Variants in CNTNAP5 observed in about 807,000 individuals in gnomAD.
The protein encoded by CNTNAP5 is contactin-associated protein-like 5.
A neutral mutation model predicts 150.2 loss-of-function variants in CNTNAP5; 72 were observed. The observed-to-expected ratio is 0.48, with a 90% CI of 0.40 to 0.58. The LOEUF (loss-of-function observed/expected upper bound fraction) is 0.58, where lower values mean the gene tolerates loss of function less well. Among genes scored for constraint, CNTNAP5 ranks in the 20% least tolerant of loss-of-function variants. CNTNAP5 has a pLI of 0.00. For missense variants in CNTNAP5, 1,636 were observed against 1,626.2 expected, an observed-to-expected ratio of 1.01 and a Z score of -0.10; for synonymous variants, 672 against 619.8, an observed-to-expected ratio of 1.08 and a Z score of -1.25.
chr2:124,345,008 T>TAAG (rs1327447292), intron 3 of CNTNAP5, among the ~76,000 whole-genome samples: 2 of 152,144 alleles, frequency 1.3e-5, no homozygotes, highest in African/African-American at 2.4e-5. Context: ...TGACTGCTTG[T>TAAG]AAGACCTTTT....
At chr2:124,768,305 G>A (rs79280711) in intron 16 of CNTNAP5, among the ~76,000 whole-genome samples, 1 of 142,988 alleles carries the variant, frequency 7.0e-6, no homozygotes, top group African/African-American at 2.6e-5. Context: ...GTGTGTGTGT[G>A]TGTGTATATG....
intron 2 of CNTNAP5, among the ~76,000 whole-genome samples, chr2:124,240,827 T>A (rs1480519070): frequency 1.3e-5 from 2 of 152,166 alleles, no homozygotes. Context: ...TCACTCTGTC[T>A]GCATTGCAGT....
Position 124,504,567 on chromosome 2 carries a change from C to CT in CNTNAP5, c.1327+12dup. 1 of 1,611,928 alleles carries CT rather than the reference C, an allele frequency of 6.2e-7. No individual in the cohort carries two copies. The highest frequency in any genetic ancestry group is 8.5e-7 in the Non-Finnish European group (1 of 1,178,846). ...CTGAAATCCTCACAGGTACTGTCTG[C>CT]TGACACTCTGGATCAGCTTCTTGTT... On this transcript the variant is annotated intron_variant, in intron 8 of 23. Coordinates refer to ENST00000682447, the MANE Select transcript of CNTNAP5 (RefSeq NM_001367498.1).
chr2:124,276,699 C>T (rs1267938962), intron 3 of CNTNAP5, among the ~76,000 whole-genome samples: 3 of 152,130 alleles, frequency 2.0e-5, no homozygotes, highest in African/African-American at 4.8e-5. Flanking sequence ...TTAACACTAT[C>T]ATTCTCTGGG....
At chr2:124,049,497 C>T (rs1412256734) in intron 1 of CNTNAP5, among the ~76,000 whole-genome samples, 2 of 152,036 alleles carry the variant, frequency 1.3e-5, no homozygotes, top group Admixed American at 6.5e-5. Context: ...TTTTTTAAAC[C>T]ATAATAAAAT....
chr2:124,843,277 A>T (rs1045433191), intron 19 of CNTNAP5, among the ~76,000 whole-genome samples: 1 of 151,706 alleles, frequency 6.6e-6, no homozygotes, highest in Non-Finnish European at 1.5e-5. Context: ...TTCCTTATCC[A>T]CTCGTTGATC....
intron 1 of CNTNAP5, among the ~76,000 whole-genome samples, chr2:124,142,912 A>G (rs1430436581): frequency 6.8e-6 from 1 of 148,056 alleles, no homozygotes; most frequent in Non-Finnish European, 1.5e-5. Context: ...ATAAAGCAAA[A>G]AAGAGAGAAG....
chr2:124,865,477 G>C (rs1178443375), intron 20 of CNTNAP5, 41 bp downstream of exon 20: 1 of 1,545,176 alleles, frequency 6.5e-7, no homozygotes, highest in African/African-American at 1.4e-5. Context: ...AATGTGCCTT[G>C]GCTACTCTAT....
At chr2:124,261,389 A>G (rs1558824190) in intron 3 of CNTNAP5, among the ~76,000 whole-genome samples, 2 of 152,168 alleles carry the variant, frequency 1.3e-5, no homozygotes, top group Non-Finnish European at 2.9e-5. Flanking sequence ...AACACGTCGC[A>G]CTTTATTTTA....
chr2:124,157,348 C>G (rs1386687010), intron 1 of CNTNAP5, among the ~76,000 whole-genome samples: 1 of 152,070 alleles, frequency 6.6e-6, no homozygotes. Context: ...TTCAGTAACA[C>G]CTGTTCTTTT....
rs137957854 is a variant in CNTNAP5 at position 124,520,033 on chromosome 2, A to G, written c.1328-4270A>G. On this transcript the variant is annotated intron_variant, in intron 8 of 23. Coordinates refer to ENST00000682447, the MANE Select transcript of CNTNAP5 (RefSeq NM_001367498.1). ...AAAAAATGTACATTAAAAAACACTG[A>G]AAATTCCAGTATAATATAAAAGAAT... 2.0e-3 allele frequency among the ~76,000 whole-genome samples: 305 copies of G among 152,330 alleles called. 1 individual carries two copies. Among genetic ancestry groups the G allele is most frequent in the African/African-American group, 6.9e-3 (287 of 41,576 alleles).
chr2:124,351,599 A>G (rs1159226569), intron 3 of CNTNAP5, among the ~76,000 whole-genome samples: 1 of 152,242 alleles, frequency 6.6e-6, no homozygotes, highest in Non-Finnish European at 1.5e-5. Flanking sequence ...GGGAGATAGT[A>G]GCACAAAAGG....
rs756059180 is a variant in CNTNAP5 at position 124,772,792 on chromosome 2, G to GTTTC, written c.2534-6_2534-3dup. ...TCTATCCTTCCTGTTTTCCTTTCCGGTTTCAGCTCCTTCAGAGATCACCTT... is the reference window on the plus strand; with the variant it reads ...TCTATCCTTCCTGTTTTCCTTTCCGGTTTCTTTCAGCTCCTTCAGAGATCACCTT... On this transcript the variant is annotated splice_polypyrimidine_tract_variant and splice_region_variant and intron_variant, in intron 16 of 23. Transcript: ENST00000682447. The GTTTC allele has an allele frequency of 3.1e-6, 5 of 1,612,826 alleles. No individual in the cohort carries two copies. The highest frequency in any genetic ancestry group is 4.2e-6 in the Non-Finnish European group (5 of 1,178,972).
intron 3 of CNTNAP5, among the ~76,000 whole-genome samples, chr2:124,281,851 A>T (rs776152034): frequency 6.6e-6 from 1 of 152,202 alleles, no homozygotes; most frequent in African/African-American, 2.4e-5. Flanking sequence ...CAGGCCGAAC[A>T]GCAATCTCTT....
chr2:124,810,446 G>C (rs1038671317), intron 19 of CNTNAP5, among the ~76,000 whole-genome samples: 1 of 152,126 alleles, frequency 6.6e-6, no homozygotes, highest in Non-Finnish European at 1.5e-5. Context: ...GGAGGGCAGG[G>C]GGAAAGGGTA....
intron 3 of CNTNAP5, among the ~76,000 whole-genome samples, chr2:124,314,987 CT>C (rs66530326): frequency 0.28 from 40,698 of 145,282 alleles, 6,114 homozygotes; most frequent in African/African-American, 0.43. Flanking sequence ...ACAAACAAGC[CT>C]TTTTTTTTTT....
intron 19 of CNTNAP5, among the ~76,000 whole-genome samples, chr2:124,830,659 C>T (rs1410031408): frequency 6.6e-6 from 1 of 151,900 alleles, no homozygotes; most frequent in Non-Finnish European, 1.5e-5. Flanking sequence ...ACAATTCAGA[C>T]ATATCAAGAA....
intron 13 of CNTNAP5, among the ~76,000 whole-genome samples, chr2:124,662,565 G>A (rs576655393): frequency 1.3e-5 from 2 of 152,274 alleles, no homozygotes; most frequent in African/African-American, 2.4e-5. Context: ...TGAGGAAATG[G>A]ACACTTAGAG....
At chr2:124,350,679 T>G (rs1333143317) in intron 3 of CNTNAP5, among the ~76,000 whole-genome samples, 2 of 152,302 alleles carry the variant, frequency 1.3e-5, no homozygotes, top group East Asian at 3.9e-4. Context: ...TAGGTTATTT[T>G]ATCTATAATT....
Sources: allele counts gnomAD v4.1 joint callset (sites outside exome capture counted in the v4.1 genomes callset), GRCh38; gene constraint gnomAD v4.1.1; transcripts MANE v1.5; gene names NCBI Gene and HGNC (gene_info 2026-07-23, HGNC 2026-07-21).